Variants in EIPR1 observed in about 807,000 individuals in gnomAD.
EIPR1 encodes the protein EARP and GARP complex-interacting protein 1.
Under a neutral mutation model 48.1 loss-of-function variants are expected in EIPR1, and 25 were observed. That is an observed-to-expected ratio of 0.52 (90% CI 0.38 to 0.73). The LOEUF (loss-of-function observed/expected upper bound fraction) is 0.73. EIPR1 is among the 30% of genes least tolerant of loss of function. EIPR1 has a pLI of 0.00. For missense variants in EIPR1, 415 were observed against 506.2 expected (o/e 0.82, Z 1.73); for synonymous variants, 204 against 201.9 (o/e 1.01, Z -0.09).
At chr2:3,372,220 C>T (rs1164174754) in intron 1 of EIPR1, among the ~76,000 whole-genome samples, 3 of 150,584 alleles carry the variant, frequency 2.0e-5, no homozygotes, top group Admixed American at 6.6e-5. Flanking sequence ...ATCTCTGGGA[C>T]ACATTCAAAG....
intron 2 of EIPR1, among the ~76,000 whole-genome samples, chr2:3,338,840 T>C (rs1364394088): frequency 2.0e-5 from 3 of 152,236 alleles, no homozygotes; most frequent in African/African-American, 7.2e-5. Flanking sequence ...TAAAATGATT[T>C]CACATTTAAT....
chr2:3,281,610 A>C lies in EIPR1; in HGVS notation c.260-24155T>G, dbSNP rs554924345. ...CATGAGCAACACCCACGTATACAGG[A>C]ACGCGTGCCTGGAAGGGCTCAGTAG... On this transcript the variant is annotated intron_variant, in intron 3 of 8. Coordinates refer to ENST00000382125, the MANE Select transcript of EIPR1 (RefSeq NM_003310.5). Among the ~76,000 whole-genome samples, 83 of 152,282 alleles carry C rather than the reference A, an allele frequency of 5.5e-4. No homozygotes were observed. The Middle Eastern group carries it at 0.02, about 37-fold the overall frequency.
At position 3,286,930 on chromosome 2, in the gene EIPR1, G is replaced by C. The variant is rs929197531; in HGVS notation, c.260-29475C>G. 1.6e-4 allele frequency among the ~76,000 whole-genome samples: 24 copies of C among 148,176 alleles called. No homozygotes were observed. The highest frequency in any genetic ancestry group is 2.7e-4 in the Non-Finnish European group (18 of 66,842). ...CACACAGAGTGCCAGCCGGCAGAGG[G>C]GGCGGTGGGGAGCACACAGAGTGCC... On this transcript the variant is annotated intron_variant, in intron 3 of 8. Transcript: ENST00000382125. The surrounding 1 kb of genome is among the most constrained non-coding windows in gnomAD (Gnocchi z 4.2).
chr2:3,297,350 C>T (rs1022265965), intron 3 of EIPR1, among the ~76,000 whole-genome samples: 5 of 152,254 alleles, frequency 3.3e-5, no homozygotes, highest in Non-Finnish European at 7.3e-5. Flanking sequence ...CATGCAGAGA[C>T]AGCCATTCAC....
intron 4 of EIPR1, chr2:3,214,571 A>C: frequency 4.9e-6 from 1 of 204,942 alleles, no homozygotes; most frequent in Non-Finnish European, 9.9e-6. Flanking sequence ...TGAGCTGAAA[A>C]TGCAGTGGAT....
intron 3 of EIPR1, among the ~76,000 whole-genome samples, chr2:3,285,677 A>G (rs2103266002): frequency 6.9e-6 from 1 of 145,726 alleles, no homozygotes; most frequent in Non-Finnish European, 1.5e-5. Context: ...GGACCCTCGC[A>G]CGGAGCAGAA....
intron 3 of EIPR1, among the ~76,000 whole-genome samples, chr2:3,269,376 G>A (rs796380725): frequency 0.013 from 1,215 of 95,492 alleles, 344 homozygotes; most frequent in East Asian, 0.055. Context: ...CTCAATCATC[G>A]CACTCAGTCA....
chr2:3,362,520 T>C (rs1670874713), intron 1 of EIPR1, among the ~76,000 whole-genome samples: 1 of 152,130 alleles, frequency 6.6e-6, no homozygotes, highest in South Asian at 2.1e-4. Context: ...AAATCTGGAC[T>C]TCAGGTTTTA....
intron 3 of EIPR1, chr2:3,319,268 TG>T (rs1239359487): frequency 6.6e-6 from 2 of 305,288 alleles, no homozygotes; most frequent in Non-Finnish European, 1.3e-5. Flanking sequence ...TCAGGTGCTC[TG>T]GAAGTGCGCT....
chr2:3,287,437 A>C (rs1157021768), intron 3 of EIPR1, among the ~76,000 whole-genome samples: 30 of 119,254 alleles, frequency 2.5e-4, no homozygotes, highest in Admixed American at 5.9e-4. Context: ...CTCGTTCACA[A>C]TCCAGAAAGC....
chr2:3,337,890 T>C, intron 3 of EIPR1, 127 bp downstream of exon 3: 1 of 1,007,354 alleles, frequency 9.9e-7, no homozygotes, highest in Non-Finnish European at 1.5e-6. Context: ...TCTCTGTGCA[T>C]GCAACACCTT....
rs115068056 is a variant in EIPR1 at position 3,242,810 on chromosome 2, G to A, written c.416+14489C>T. Among the ~76,000 whole-genome samples the A allele has an allele frequency of 7.4e-3, 1,125 of 152,284 alleles. 14 individuals carry two copies. The highest frequency in any genetic ancestry group is 0.026 in the African/African-American group (1,085 of 41,534). On this transcript the variant is annotated intron_variant, in intron 4 of 8. Transcript: ENST00000382125. ...GAATTATTTCCCCAGCTTACAAATC[G>A]TTTACAACACACAGACTTGGCAATG...
At chr2:3,194,349 C>T (rs868435981) in intron 6 of EIPR1, 183 bp from the exon 7 acceptor site, 6 of 611,758 alleles carry the variant, frequency 9.8e-6, no homozygotes, top group Non-Finnish European at 1.7e-5. Flanking sequence ...TCCCAGCAAC[C>T]CTGTGTGGTC....
chr2:3,314,774 C>A (rs977703883), intron 3 of EIPR1, among the ~76,000 whole-genome samples: 1 of 151,904 alleles, frequency 6.6e-6, no homozygotes, highest in Non-Finnish European at 1.5e-5. Context: ...CTCCAGCTAG[C>A]CTCTCCCCAG....
chr2:3,232,727 CTGAATAGGGT>C (rs1226252673), intron 4 of EIPR1, among the ~76,000 whole-genome samples: 1 of 152,112 alleles, frequency 6.6e-6, no homozygotes, highest in Non-Finnish European at 1.5e-5. Context: ...TTGAATAGGC[CTGAATAGGGT>C]TTGCTTTTAT....
intron 5 of EIPR1, among the ~76,000 whole-genome samples, chr2:3,212,624 G>C (rs962170448): frequency 6.6e-6 from 1 of 152,180 alleles, no homozygotes; most frequent in Non-Finnish European, 1.5e-5. Flanking sequence ...GGACAAGGAA[G>C]GCATCGCCTT....
rs1572493323 is a variant in EIPR1, at chr2:3,370,770, C to T, written c.42+6878G>A. Among the ~76,000 whole-genome samples, 3 of 152,286 alleles carry T rather than the reference C, an allele frequency of 2.0e-5. No individual in the cohort carries two copies. The South Asian group carries it at 6.2e-4, about 32-fold the overall frequency. ...ACCAAATCTGCACCTGATTGGTGTA[C>T]CTGAAAGTGATGGGGAGAATGGAAC... On this transcript the variant is annotated intron_variant, in intron 1 of 8. Coordinates refer to ENST00000382125, the MANE Select transcript of EIPR1 (RefSeq NM_003310.5).
intron 5 of EIPR1, among the ~76,000 whole-genome samples, chr2:3,198,782 AG>A (rs1223837173): frequency 6.6e-6 from 1 of 152,182 alleles, no homozygotes; most frequent in Admixed American, 6.5e-5. Flanking sequence ...ACATGCTCCA[AG>A]GGCAACAGAA....
intron 1 of EIPR1, among the ~76,000 whole-genome samples, chr2:3,366,232 C>G (rs1670971459): frequency 6.6e-6 from 1 of 152,192 alleles, no homozygotes; most frequent in South Asian, 2.1e-4. Flanking sequence ...CGCTTGAACC[C>G]AGGAGGCAGA....
Sources: gnomAD v4.1 joint callset for allele counts (sites outside exome capture counted in the v4.1 genomes callset) on GRCh38, gnomAD v4.1.1 for gene constraint, Gnocchi (gnomAD v3.1) non-coding constraint, MANE v1.5 for transcripts, NCBI Gene and HGNC (gene_info 2026-07-23, HGNC 2026-07-21) for gene names.